SAMD5: variants seen among roughly 807,000 people sequenced by gnomAD.
SAMD5 encodes sterile alpha motif domain-containing protein 5.
SAMD5 carries 13 observed loss-of-function variants against 11.3 expected under a neutral mutation model. The ratio of observed to expected loss-of-function variants is 1.15; its 90% CI spans 0.75 to 1.83. SAMD5 has a LOEUF of 1.83. Ranked by LOEUF, SAMD5 falls within the 40% of genes most tolerant of loss-of-function variation. SAMD5 has a pLI of 0.00. For synonymous variants in SAMD5, 129 were observed against 111.3 expected (o/e 1.16, Z -1.00); for missense variants, 255 against 239.1 (o/e 1.07, Z -0.44).
the SAMD5 span, among the ~76,000 whole-genome samples, chr6:147,831,641 A>C: frequency 6.6e-6 from 1 of 152,224 alleles, no homozygotes; most frequent in African/African-American, 2.4e-5. Context: ...CAAGATCTTC[A>C]TTCCCAAGGC....
chr6:147,642,313 G>A (rs1175980128), intron 1 of SAMD5, among the ~76,000 whole-genome samples: 3 of 152,104 alleles, frequency 2.0e-5, no homozygotes, highest in Non-Finnish European at 2.9e-5. Context: ...TATATGACAA[G>A]GGGCTGTGAA....
At chr6:147,690,596 C>T (rs531464166) in intron 1 of SAMD5, among the ~76,000 whole-genome samples, 1 of 152,034 alleles carries the variant, frequency 6.6e-6, no homozygotes, top group African/African-American at 2.4e-5. Context: ...TTGCAGTGAG[C>T]CGAGATTGCA....
At chr6:147,780,310 C>A in the SAMD5 span, among the ~76,000 whole-genome samples, 3 of 151,896 alleles carry the variant, frequency 2.0e-5, no homozygotes, top group African/African-American at 7.3e-5. Flanking sequence ...TGAGTTCAAG[C>A]AATTCTCCTG....
chr6:147,537,671 G>A (rs182739162), intron 1 of SAMD5, among the ~76,000 whole-genome samples: 2 of 151,784 alleles, frequency 1.3e-5, no homozygotes, highest in East Asian at 1.9e-4. Flanking sequence ...GGAGAATGGC[G>A]GGTGAACCCG....
intron 1 of SAMD5, among the ~76,000 whole-genome samples, chr6:147,514,311 A>G (rs1303438668): frequency 6.6e-6 from 1 of 152,034 alleles, no homozygotes; most frequent in Non-Finnish European, 1.5e-5. Flanking sequence ...AAGAGCTCTC[A>G]TTTCTCTTTC....
At chr6:147,588,394 A>G (rs1583096830) in intron 1 of SAMD5, among the ~76,000 whole-genome samples, 1 of 143,950 alleles carries the variant, frequency 6.9e-6, no homozygotes. Flanking sequence ...GCTCACTGCA[A>G]CCTCCGCCTC....
the SAMD5 span, among the ~76,000 whole-genome samples, chr6:147,818,525 G>A: frequency 2.0e-5 from 3 of 152,250 alleles, no homozygotes; most frequent in African/African-American, 4.8e-5. Context: ...CACATACCTC[G>A]CAGGAAGAGG....
At chr6:147,718,981 G>C (rs902616517) in intron 1 of SAMD5, among the ~76,000 whole-genome samples, 1 of 152,150 alleles carries the variant, frequency 6.6e-6, no homozygotes, top group Non-Finnish European at 1.5e-5. Flanking sequence ...GTGAGCCACC[G>C]CGCCCGGCCG....
At chr6:147,817,687 G>A in the SAMD5 span, among the ~76,000 whole-genome samples, 88 of 152,200 alleles carry the variant, frequency 5.8e-4, no homozygotes, top group African/African-American at 2.1e-3. Flanking sequence ...ATCTCCATGG[G>A]AGCCTGAGTT....
At chr6:147,552,463 G>C (rs1181190583) in intron 1 of SAMD5, among the ~76,000 whole-genome samples, 1 of 152,200 alleles carries the variant, frequency 6.6e-6, no homozygotes, top group Non-Finnish European at 1.5e-5. Flanking sequence ...CCCTGGGAAA[G>C]TGGCTCCCAA....
At chr6:147,914,946 T>C in the SAMD5 span, among the ~76,000 whole-genome samples, 1 of 152,174 alleles carries the variant, frequency 6.6e-6, no homozygotes, top group Non-Finnish European at 1.5e-5. Flanking sequence ...TTCAGAAATT[T>C]ACATATCATA....
At chr6:147,819,642 A>G in the SAMD5 span, among the ~76,000 whole-genome samples, 13,928 of 152,242 alleles carry the variant, frequency 0.091, 1,054 homozygotes, top group African/African-American at 0.21. Context: ...AGCAGTAGAA[A>G]AAGACAAATT....
the SAMD5 span, among the ~76,000 whole-genome samples, chr6:147,768,767 T>A: frequency 9.8e-5 from 15 of 152,294 alleles, no homozygotes; most frequent in Middle Eastern, 3.4e-3. Context: ...CTCACATACT[T>A]ATTTTTTGTG....
the SAMD5 span, among the ~76,000 whole-genome samples, chr6:147,855,745 A>T: frequency 1.3e-5 from 2 of 152,202 alleles, no homozygotes; most frequent in Non-Finnish European, 2.9e-5. Flanking sequence ...TAAAAGGCAG[A>T]GTTTCTCACA....
the SAMD5 span, among the ~76,000 whole-genome samples, chr6:147,768,687 A>G: frequency 2.7e-4 from 41 of 152,246 alleles, no homozygotes; most frequent in African/African-American, 9.4e-4. Flanking sequence ...TAGATGGGGT[A>G]CAGTGTGATG....
the SAMD5 span, among the ~76,000 whole-genome samples, chr6:147,835,232 T>TA: frequency 0.018 from 2,010 of 113,332 alleles, 74 homozygotes; most frequent in Admixed American, 0.045. Context: ...GACTCCATCT[T>TA]AAAAAAAAAA....
At chr6:147,722,991 A>G (rs1391919003) in intron 1 of SAMD5, among the ~76,000 whole-genome samples, 1 of 152,072 alleles carries the variant, frequency 6.6e-6, no homozygotes, top group East Asian at 1.9e-4. Flanking sequence ...GCTGAAGGCT[A>G]TTTCCTAGTG....
At chr6:147,713,804 G>A (rs1354577490) in intron 1 of SAMD5, among the ~76,000 whole-genome samples, 1 of 152,096 alleles carries the variant, frequency 6.6e-6, no homozygotes, top group Admixed American at 6.5e-5. Context: ...AGGGTAAGCT[G>A]TAGTCAGTTT....
chr6:147,773,024 A>G, the SAMD5 span, among the ~76,000 whole-genome samples: 1 of 152,158 alleles, frequency 6.6e-6, no homozygotes, highest in South Asian at 2.1e-4. Flanking sequence ...ATAGAGTCAC[A>G]TGGCCATTGT....
Sources: gnomAD v4.1 joint callset for allele counts (sites outside exome capture counted in the v4.1 genomes callset) on GRCh38, gnomAD v4.1.1 for gene constraint, MANE v1.5 for transcripts, NCBI Gene and HGNC (gene_info 2026-07-23, HGNC 2026-07-21) for gene names.